Variants in GSE1 observed in about 807,000 individuals in gnomAD.
GSE1 encodes Gse1 coiled-coil protein.
In GSE1, 32 loss-of-function variants were observed where a neutral mutation model predicts 112.6. That is an observed-to-expected ratio of 0.28 (90% confidence interval 0.21 to 0.38). The LOEUF is 0.38. Among genes scored for constraint, GSE1 ranks in the 10% least tolerant of loss-of-function variants. The pLI is 1.00. For synonymous variants in GSE1, 1,115 were observed against 735.6 expected (o/e 1.52, Z -8.35); for missense variants, 2,348 against 1,699.2 (o/e 1.38, Z -6.71).
chr16:85,265,771 A>G (rs74031752), intron 1 of GSE1, among the ~76,000 whole-genome samples: 5,520 of 152,164 alleles, frequency 0.036, 361 homozygotes, highest in African/African-American at 0.13. Flanking sequence ...GGGTGCCCGA[A>G]CATCCCATGC....
chr16:85,673,438 C>G lies in GSE1; in HGVS notation c.*899C>G, dbSNP rs1336557325. ...TTTGGGGGATTTTTGTTTGTTTTTC[C>G]TGTTTGGGGGTTTTGTTTGTTGTTT... On this transcript the variant is annotated 3_prime_UTR_variant, in exon 16 of 16. Coordinates refer to ENST00000253458, the MANE Select transcript of GSE1 (RefSeq NM_014615.5). 1 of 137,812 alleles carries G rather than the reference C, an allele frequency of 7.3e-6. No individual in the cohort carries two copies. The highest frequency in any genetic ancestry group is 1.6e-5 in the Non-Finnish European group (1 of 64,254). 8.5% of individuals were successfully genotyped at this position (137,812 alleles called of 1,614,324 possible). A position where few individuals can be genotyped will look rare whatever the true frequency, so the allele number is the denominator to read the frequency against.
At chr16:85,254,045 G>C (rs1376327011) in intron 1 of GSE1, among the ~76,000 whole-genome samples, 1 of 152,162 alleles carries the variant, frequency 6.6e-6, no homozygotes, top group Non-Finnish European at 1.5e-5. Flanking sequence ...AGAAGGATGG[G>C]GACCCTGCCG....
intron 2 of GSE1, among the ~76,000 whole-genome samples, chr16:85,491,866 A>G (rs1010549134): frequency 6.6e-6 from 1 of 152,154 alleles, no homozygotes; most frequent in Non-Finnish European, 1.5e-5. Context: ...GAGGTCAGCC[A>G]GGGGGTGGCT....
intron 2 of GSE1, among the ~76,000 whole-genome samples, chr16:85,395,892 G>T (rs915008926): frequency 9.9e-5 from 14 of 140,718 alleles, no homozygotes; most frequent in Non-Finnish European, 1.8e-4. Flanking sequence ...CCAGCGCCCC[G>T]CAGAAGGGCT....
intron 1 of GSE1, among the ~76,000 whole-genome samples, chr16:85,256,161 G>C (rs1337028762): frequency 6.6e-6 from 1 of 152,176 alleles, no homozygotes; most frequent in Non-Finnish European, 1.5e-5. Context: ...ACGCCAACAG[G>C]GTGAGTTGGA....
At chr16:85,618,636 C>G (rs1168448247) in intron 1 of GSE1, among the ~76,000 whole-genome samples, 1 of 152,244 alleles carries the variant, frequency 6.6e-6, no homozygotes, top group Non-Finnish European at 1.5e-5. Context: ...ACAGGCTCTG[C>G]AAAGCCTTGC....
chr16:85,552,328 CTTTT>C (rs1195413161), upstream of GSE1, among the ~76,000 whole-genome samples: 48 of 47,750 alleles, frequency 1.0e-3, no homozygotes, highest in African/African-American at 3.0e-3. Context: ...CCCGCCCCTC[CTTTT>C]TTTTTTTTTT....
At chr16:85,562,738 C>A (rs1194107518) in intron 1 of GSE1, among the ~76,000 whole-genome samples, 1 of 152,214 alleles carries the variant, frequency 6.6e-6, no homozygotes, top group Admixed American at 6.5e-5. Flanking sequence ...GGAGCGGTCC[C>A]AGGGGGGTTC....
At position 85,280,661 on chromosome 16, in the gene GSE1, G is replaced by T. The variant is rs371416836; in HGVS notation, c.2284-76802G>T. ...TCCGCCCACCTCAGCCTCCCAAAGT[G>T]CTGGGATTACAGGCGTGAGCCACAG... On this transcript the variant is annotated intron_variant, in intron 1 of 2. Transcript: ENST00000637419. 9.8e-5 allele frequency among the ~76,000 whole-genome samples: 15 copies of T among 152,318 alleles called. No individual in the cohort carries two copies. In the East Asian group the frequency reaches 2.9e-3, roughly 29 times the overall value.
chr16:85,340,406 G>C (rs926056283), intron 1 of GSE1, among the ~76,000 whole-genome samples: 1 of 152,118 alleles, frequency 6.6e-6, no homozygotes, highest in Admixed American at 6.5e-5. Context: ...TTGGGAGACC[G>C]AGGCAGGAGG....
chr16:85,508,183 G>A (rs185237473), intron 2 of GSE1, among the ~76,000 whole-genome samples: 67 of 152,232 alleles, frequency 4.4e-4, no homozygotes, highest in South Asian at 1.7e-3. Context: ...ACAGGCATGC[G>A]TCACCACGCC....
chr16:85,573,017 A>G (rs2046072949), intron 1 of GSE1, among the ~76,000 whole-genome samples: 1 of 152,062 alleles, frequency 6.6e-6, no homozygotes, highest in East Asian at 1.9e-4. Flanking sequence ...TTAGAGGCGC[A>G]CGCCACCACA....
intron 2 of GSE1, among the ~76,000 whole-genome samples, chr16:85,518,952 G>T (rs2052046347): frequency 6.6e-6 from 1 of 152,114 alleles, no homozygotes; most frequent in Non-Finnish European, 1.5e-5. Flanking sequence ...CCTGGATCCA[G>T]GCAGGACCAC....
At position 85,478,916 on chromosome 16, in the gene GSE1, TTTCTTTCTTTC is replaced by T. The variant is rs1567520779; in HGVS notation, c.2464+121275_2464+121285del. ...CTTTCTTTCTTTCTTTCTTTCTTTCTTTCTTTCTTTCTCTTTCTTTCTTTCTTTCTTTTTTT... is the reference window on the plus strand; with the variant it reads ...CTTTCTTTCTTTCTTTCTTTCTTTCTTCTTTCTTTCTTTCTTTCTTTTTTT... On this transcript the variant is annotated intron_variant, in intron 2 of 2. Transcript: ENST00000637419. Among the ~76,000 whole-genome samples, 55 of 58,410 alleles carry T rather than the reference TTTCTTTCTTTC, an allele frequency of 9.4e-4. 1 individual carries two copies. Among genetic ancestry groups the T allele is most frequent in the African/African-American group, 1.5e-3 (14 of 9,418 alleles). 38.3% of individuals were successfully genotyped at this position (58,410 alleles called of 152,430 possible).
chr16:85,439,937 C>T (rs925580022), intron 2 of GSE1, among the ~76,000 whole-genome samples: 1 of 152,236 alleles, frequency 6.6e-6, no homozygotes, highest in Non-Finnish European at 1.5e-5. Context: ...CAGGCATACG[C>T]AGAGACACTC....
rs958566628 is a variant in GSE1, at chr16:85,464,151, A to C, written c.2464+106508A>C. On this transcript the variant is annotated intron_variant, in intron 2 of 2. Coordinates refer to the GSE1 transcript ENST00000637419. The stretch of plus-strand genomic sequence containing the variant: ...GCCCACCCCTCCTCTCTCTGTGTGC[A>C]CCTCTCTGCCTGTTTGAACTGCAGC... 4.4e-4 allele frequency among the ~76,000 whole-genome samples: 67 copies of C among 150,972 alleles called. 1 individual carries two copies. The highest frequency in any genetic ancestry group is 8.8e-4 in the Non-Finnish European group (60 of 67,812).
At chr16:85,217,809 C>G (rs956371338) in intron 1 of GSE1, among the ~76,000 whole-genome samples, 1 of 152,198 alleles carries the variant, frequency 6.6e-6, no homozygotes, top group African/African-American at 2.4e-5. Flanking sequence ...CCTGCCTCCT[C>G]CTCGAAGCCC....
chr16:85,446,466 C>T (rs1259597031), intron 2 of GSE1, among the ~76,000 whole-genome samples: 1 of 152,182 alleles, frequency 6.6e-6, no homozygotes, highest in African/African-American at 2.4e-5. Context: ...GGGTGATGTC[C>T]CCCCACTCGG....
chr16:85,606,160 C>T (rs760700703), intron 1 of GSE1, among the ~76,000 whole-genome samples: 1 of 152,182 alleles, frequency 6.6e-6, no homozygotes, highest in African/African-American at 2.4e-5. Context: ...TTCTCAGCGC[C>T]CTGGGATTTT....
Sources: allele counts gnomAD v4.1 joint callset (sites outside exome capture counted in the v4.1 genomes callset), GRCh38; gene constraint gnomAD v4.1.1; transcripts MANE v1.5; gene names NCBI Gene and HGNC (gene_info 2026-07-23, HGNC 2026-07-21).